Variants in RSBN1L observed in about 807,000 individuals in gnomAD.
RSBN1L encodes the protein round spermatid basic protein 1 like.
A neutral mutation model predicts 67.7 loss-of-function variants in RSBN1L; 30 were observed. That is an observed-to-expected ratio of 0.44 (90% CI 0.33 to 0.60). The LOEUF (loss-of-function observed/expected upper bound fraction) is 0.60, where lower values mean the gene tolerates loss of function less well. Among genes scored for constraint, RSBN1L ranks in the 20% least tolerant of loss-of-function variants. The pLI, the probability that RSBN1L is intolerant of heterozygous loss-of-function variation, is 0.02. For synonymous variants in RSBN1L, 433 were observed against 387.0 expected, an observed-to-expected ratio of 1.12 and a Z score of -1.39; for missense variants, 992 against 1,031.7, an observed-to-expected ratio of 0.96 and a Z score of 0.53.
chr7:77,764,631 CT>C (rs1229065715), intron 3 of RSBN1L, among the ~76,000 whole-genome samples: 340 of 144,950 alleles, frequency 2.3e-3, no homozygotes, highest in East Asian at 0.013. Flanking sequence ...TTCTTTCTTT[CT>C]TTTTTTTTTT....
At position 77,781,390 on chromosome 7, in the gene RSBN1L, C is replaced by T. The variant is rs1791995301; in HGVS notation, c.*2222C>T. On this transcript the variant is annotated 3_prime_UTR_variant, in exon 8 of 8. Coordinates refer to ENST00000334955, the MANE Select transcript of RSBN1L (RefSeq NM_198467.3). Reference sequence around the variant, plus strand: ...TGAGTGGCAGAAGTTCTTAACAAACCAGTATTGAGAAATAAGAAGGGATGT... The same window carrying T: ...TGAGTGGCAGAAGTTCTTAACAAACTAGTATTGAGAAATAAGAAGGGATGT... 2 of 152,234 alleles carry T rather than the reference C, an allele frequency of 1.3e-5. No homozygotes were observed. Among genetic ancestry groups the T allele is most frequent in the Non-Finnish European group, 2.9e-5 (2 of 68,006 alleles). 9.4% of individuals were successfully genotyped at this position (152,234 alleles called of 1,614,324 possible).
intron 2 of RSBN1L, among the ~76,000 whole-genome samples, chr7:77,743,243 A>T (rs1446582534): frequency 6.6e-6 from 1 of 151,982 alleles, no homozygotes; most frequent in East Asian, 1.9e-4. Flanking sequence ...TTGTAGAGAC[A>T]GTGTCTTGCT....
At chr7:77,709,168 G>A (rs1584275085) in intron 1 of RSBN1L, among the ~76,000 whole-genome samples, 2 of 122,296 alleles carry the variant, frequency 1.6e-5, no homozygotes, top group East Asian at 2.1e-4. Context: ...GTGTGTGTGT[G>A]TGTGTGTGTG....
At chr7:77,707,284 A>G (rs1790906461) in intron 1 of RSBN1L, among the ~76,000 whole-genome samples, 1 of 152,168 alleles carries the variant, frequency 6.6e-6, no homozygotes, top group African/African-American at 2.4e-5. Flanking sequence ...TTGGCTTCCC[A>G]AAGTGCTGGG....
At chr7:77,735,886 A>G (rs1791327470) in intron 1 of RSBN1L, among the ~76,000 whole-genome samples, 1 of 152,180 alleles carries the variant, frequency 6.6e-6, no homozygotes, top group South Asian at 2.1e-4. Context: ...TATTTTTAAA[A>G]GGAGCCAAGG....
intron 3 of RSBN1L, among the ~76,000 whole-genome samples, chr7:77,761,839 A>C (rs1010584167): frequency 5.3e-5 from 8 of 152,212 alleles, no homozygotes; most frequent in African/African-American, 2.4e-5. Flanking sequence ...ATACTTTTAC[A>C]GATTAAGATT....
intron 1 of RSBN1L, among the ~76,000 whole-genome samples, chr7:77,719,719 C>T (rs991285084): frequency 7.9e-5 from 12 of 152,204 alleles, no homozygotes; most frequent in African/African-American, 2.4e-4. Flanking sequence ...TTTCACAGGC[C>T]ACTTTATCAT....
rs181321262 is a variant in RSBN1L, at chr7:77,742,738, G to A, written c.703+6212G>A. Among the ~76,000 whole-genome samples, 13 of 152,260 alleles carry A rather than the reference G, an allele frequency of 8.5e-5. No individual in the cohort carries two copies. The East Asian group carries it at 2.1e-3, about 25-fold the overall frequency. ...TGTAATTCCAGCTACTCAGTTGGCC[G>A]AGGCAGGAGAATCGCTTGAACCCAG... is the stretch of plus-strand genomic sequence containing the variant. On this transcript the variant is annotated intron_variant, in intron 2 of 7. Transcript: ENST00000334955.
At chr7:77,713,848 C>G (rs1791009872) in intron 1 of RSBN1L, among the ~76,000 whole-genome samples, 1 of 152,046 alleles carries the variant, frequency 6.6e-6, no homozygotes, top group African/African-American at 2.4e-5. Flanking sequence ...ACCTTTAGTT[C>G]ATAACAATAT....
intron 3 of RSBN1L, among the ~76,000 whole-genome samples, chr7:77,763,149 CTTTTTTTT>C (rs11440608): frequency 2.9e-4 from 37 of 126,936 alleles, no homozygotes; most frequent in Non-Finnish European, 2.1e-4. Flanking sequence ...TATAATTTGA[CTTTTTTTT>C]TTTTTTTTTT....
At chr7:77,707,628 T>G (rs1449569767) in intron 1 of RSBN1L, among the ~76,000 whole-genome samples, 1 of 152,188 alleles carries the variant, frequency 6.6e-6, no homozygotes, top group Non-Finnish European at 1.5e-5. Flanking sequence ...AGTGATGAAT[T>G]TTATATCTTA....
chr7:77,767,704 C>CCCT (rs1791789074), intron 4 of RSBN1L, among the ~76,000 whole-genome samples: 2 of 146,008 alleles, frequency 1.4e-5, no homozygotes, highest in African/African-American at 5.1e-5. Flanking sequence ...TCCCCTTCCC[C>CCCT]TTCACCTCTG....
At position 77,720,764 on chromosome 7, in the gene RSBN1L, T is replaced by A. The variant is rs35114031; in HGVS notation, c.587-15646T>A. ...TTCTTTCTTTTTCATTTTCTTTTTC[T>A]TTTTTTTTTTTTTTTTTTTGAGACA... On this transcript the variant is annotated intron_variant, in intron 1 of 7. Transcript: ENST00000334955. Among the ~76,000 whole-genome samples, 10 of 44,328 alleles carry A rather than the reference T, an allele frequency of 2.3e-4. No individual in the cohort carries two copies. The East Asian group carries it at 2.9e-3, about 13-fold the overall frequency. The allele number at this position is 44,328 out of a possible 152,430, so 29.1% of individuals were successfully genotyped here. A position where few individuals can be genotyped will look rare whatever the true frequency, so the allele number is the denominator to read the frequency against.
At chr7:77,697,902 G>C (rs916500182) in intron 1 of RSBN1L, among the ~76,000 whole-genome samples, 1 of 152,104 alleles carries the variant, frequency 6.6e-6, no homozygotes, top group African/African-American at 2.4e-5. Flanking sequence ...CTTCAGCTAC[G>C]GATACACAAT....
In RSBN1L at chr7:77,750,211, G is replaced by A. The variant is rs370116692; in HGVS notation, c.1344+147G>A. 1.0e-3 allele frequency: 306 copies of A among 307,326 alleles called. 2 individuals carry two copies. Among genetic ancestry groups the A allele is most frequent in the African/African-American group, 6.5e-3 (290 of 44,674 alleles). 19.0% of individuals were successfully genotyped at this position (307,326 alleles called of 1,614,324 possible). A position where few individuals can be genotyped will look rare whatever the true frequency, so the allele number is the denominator to read the frequency against. ...AGTATTAAGAGTAAATTACTTTCTT[G>A]ATGTGAGCATCAGAATTTAAAATTC... On this transcript the variant is annotated intron_variant, in intron 3 of 7. Transcript: ENST00000334955.
intron 1 of RSBN1L, among the ~76,000 whole-genome samples, chr7:77,699,865 C>T (rs1214112620): frequency 4.0e-5 from 6 of 151,110 alleles, no homozygotes; most frequent in Admixed American, 6.6e-5. Context: ...GGCGCGATCT[C>T]GGCTCGCTGC....
chr7:77,727,134 C>G (rs1791214700), intron 1 of RSBN1L, among the ~76,000 whole-genome samples: 1 of 149,392 alleles, frequency 6.7e-6, no homozygotes. Context: ...GTTGCCCAGG[C>G]TGGAGTGCAG....
chr7:77,763,400 G>T (rs1448292932), intron 3 of RSBN1L, among the ~76,000 whole-genome samples: 1 of 152,150 alleles, frequency 6.6e-6, no homozygotes, highest in Non-Finnish European at 1.5e-5. Context: ...GTCATTTGCA[G>T]ACACAAAACT....
At chr7:77,710,759 C>T (rs892237644) in intron 1 of RSBN1L, among the ~76,000 whole-genome samples, 1 of 152,112 alleles carries the variant, frequency 6.6e-6, no homozygotes, top group Admixed American at 6.6e-5. Flanking sequence ...TCATGCCTGG[C>T]TAATTTTTGT....
Sources: allele counts gnomAD v4.1 joint callset (sites outside exome capture counted in the v4.1 genomes callset), GRCh38; gene constraint gnomAD v4.1.1; transcripts MANE v1.5; gene names NCBI Gene and HGNC (gene_info 2026-07-23, HGNC 2026-07-21).